The following SLC7A2 variants were observed in gnomAD, a reference collection of about 807,000 sequenced individuals.
SLC7A2 encodes the protein cationic amino acid transporter 2.
A neutral mutation model predicts 58.9 loss-of-function variants in SLC7A2; 48 were observed. That is an observed-to-expected ratio of 0.82 (90% CI 0.65 to 1.04). The LOEUF is 1.04. Ranked by LOEUF, SLC7A2 falls within the 50% of genes least tolerant of loss-of-function variation. The probability of loss-of-function intolerance (pLI) is 0.00; values close to 1 mark genes in which losing one functional copy is unlikely to be tolerated. For missense variants in SLC7A2, 1,029 were observed against 818.8 expected (o/e 1.26, Z -3.13); for synonymous variants, 363 against 314.5 (o/e 1.15, Z -1.63).
At chr8:17,509,868 T>C (rs533123733) in intron 2 of SLC7A2, among the ~76,000 whole-genome samples, 5 of 152,174 alleles carry the variant, frequency 3.3e-5, no homozygotes, top group African/African-American at 1.2e-4. Flanking sequence ...GAAGCCTGTG[T>C]GTTTCATTTC....
At chr8:17,496,887 C>T (rs1585167247), upstream of SLC7A2, among the ~76,000 whole-genome samples, 1 of 151,996 alleles carries the variant, frequency 6.6e-6, no homozygotes, top group Middle Eastern at 3.4e-3. Flanking sequence ...AGCGCCCGCC[C>T]ACGTGTGCTC....
chr8:17,534,603 T>A (rs770316448), intron 2 of SLC7A2, among the ~76,000 whole-genome samples: 3 of 151,596 alleles, frequency 2.0e-5, no homozygotes, highest in Non-Finnish European at 4.4e-5. Context: ...GAGCTCAGTG[T>A]GGAAATTTTA....
At chr8:17,509,506 G>C (rs2720541) in intron 2 of SLC7A2, among the ~76,000 whole-genome samples, 2 of 151,566 alleles carry the variant, frequency 1.3e-5, no homozygotes, top group East Asian at 3.9e-4. Context: ...GGGTTTCATC[G>C]TGATGGCTAG....
chr8:17,516,597 C>T (rs541610067), intron 2 of SLC7A2, among the ~76,000 whole-genome samples: 1 of 152,150 alleles, frequency 6.6e-6, no homozygotes, highest in Non-Finnish European at 1.5e-5. Context: ...GGTGGTAACT[C>T]GTAGAGATTA....
At position 17,543,395 on chromosome 8, in the gene SLC7A2, T is replaced by C. The variant is rs1802005642; in HGVS notation, c.56T>C (p.Ile19Thr). 6.2e-7 allele frequency: 1 copy of C among 1,613,896 alleles called. No individual in the cohort carries two copies. The highest frequency in any genetic ancestry group is 1.7e-5 in the Admixed American group (1 of 59,976). ...TFARCLIRRKIVTLDSLEDTK... is the reference protein window; with the variant it reads ...TFARCLIRRKTVTLDSLEDTK... ...GCCCGATGTCTGATCCGGAGAAAAATCGTGACCCTGGACAGTCTAGAAGAC... is the reference window on the plus strand; with the variant it reads ...GCCCGATGTCTGATCCGGAGAAAAACCGTGACCCTGGACAGTCTAGAAGAC... The change falls in exon 3 of 13, where the codon ATC (isoleucine) becomes ACC (threonine). Residue 19 changes from isoleucine to threonine, a missense_variant. Coordinates refer to ENST00000494857, the MANE Select transcript of SLC7A2 (RefSeq NM_001370338.1).
chr8:17,563,272 C>T (rs1803107521), intron 11 of SLC7A2, among the ~76,000 whole-genome samples: 1 of 152,170 alleles, frequency 6.6e-6, no homozygotes, highest in South Asian at 2.1e-4. Context: ...GGAGGATGTA[C>T]CTGGGATAAC....
intron 2 of SLC7A2, among the ~76,000 whole-genome samples, chr8:17,526,124 A>C (rs1224066015): frequency 6.6e-6 from 1 of 152,204 alleles, no homozygotes; most frequent in Non-Finnish European, 1.5e-5. Context: ...AGAAAAGACA[A>C]ATACAATCAA....
In SLC7A2 at chr8:17,525,782, G is replaced by A. The variant is rs555523992; in HGVS notation, c.-22-17536G>A. 5.3e-4 allele frequency among the ~76,000 whole-genome samples: 81 copies of A among 152,270 alleles called. 1 individual carries two copies. Among genetic ancestry groups the A allele is most frequent in the African/African-American group, 1.8e-3 (75 of 41,554 alleles). ...TGCAAACCAGCACATTCCTGCAAGCGGGATTTGCTGAAACCTTCCAGTGAA... is the reference window on the plus strand; with the variant it reads ...TGCAAACCAGCACATTCCTGCAAGCAGGATTTGCTGAAACCTTCCAGTGAA... On this transcript the variant is annotated intron_variant, in intron 2 of 12. Transcript: ENST00000494857.
At chr8:17,558,688 G>A (rs997521030) in intron 9 of SLC7A2, among the ~76,000 whole-genome samples, 2 of 152,112 alleles carry the variant, frequency 1.3e-5, no homozygotes, top group African/African-American at 4.8e-5. Context: ...TGATTCAGTT[G>A]TAAAAATTTT....
chr8:17,512,501 C>T (rs111444631), intron 2 of SLC7A2, among the ~76,000 whole-genome samples: 5,770 of 152,190 alleles, frequency 0.038, 167 homozygotes, highest in Middle Eastern at 0.17. Flanking sequence ...GAGGCAAGAT[C>T]GTGCTACTGC....
intron 5 of SLC7A2, 61 bp downstream of exon 5, chr8:17,548,904 G>A (rs2245183): frequency 0.059 from 81,795 of 1,378,158 alleles, 4,856 homozygotes; most frequent in East Asian, 0.35. Context: ...TTAAGTGGGT[G>A]TATTAGTTCA....
At chr8:17,543,246 C>A in intron 2 of SLC7A2, 72 bp from the exon 3 acceptor site, 2 of 1,370,618 alleles carry the variant, frequency 1.5e-6, no homozygotes, top group Non-Finnish European at 2.0e-6. Flanking sequence ...TCTAATTGTG[C>A]CTGGAAGCTA....
intron 2 of SLC7A2, among the ~76,000 whole-genome samples, chr8:17,522,858 A>G (rs1246260025): frequency 6.6e-6 from 1 of 152,018 alleles, no homozygotes; most frequent in Non-Finnish European, 1.5e-5. Context: ...CAACACAGTG[A>G]CACCCTACCT....
rs575759443 is a variant in SLC7A2 at position 17,508,402 on chromosome 8, A to G, written c.-23+6100A>G. On this transcript the variant is annotated intron_variant, in intron 2 of 12. Transcript: ENST00000494857. ...TCTTCCTGCATTGCTAACTCTAGGT[A>G]TTGTTGGATGCCCTGTCTACTTTTA... 8.5e-5 allele frequency among the ~76,000 whole-genome samples: 13 copies of G among 152,270 alleles called. No individual in the cohort carries two copies. The East Asian group carries it at 2.5e-3, about 29-fold the overall frequency.
At position 17,563,719 on chromosome 8, in the gene SLC7A2, T is replaced by G. The variant is rs1352437883; in HGVS notation, c.1780+8T>G. On this transcript the variant is annotated splice_region_variant and intron_variant, in intron 12 of 12. Coordinates refer to ENST00000494857, the MANE Select transcript of SLC7A2 (RefSeq NM_001370338.1). Reference sequence around the variant, plus strand: ...GCATTTGGATGGCAATTGGTAGGTCTTTTAATGTCGGGTTCTCTTTCCTAT... The same window carrying G: ...GCATTTGGATGGCAATTGGTAGGTCGTTTAATGTCGGGTTCTCTTTCCTAT... The G allele has an allele frequency of 6.7e-7, 1 of 1,488,202 alleles. No individual in the cohort carries two copies. The highest frequency in any genetic ancestry group is 9.4e-7 in the Non-Finnish European group (1 of 1,066,484). 92.2% of individuals were successfully genotyped at this position (1,488,202 alleles called of 1,614,324 possible).
chr8:17,540,627 G>T (rs558550483), intron 2 of SLC7A2, among the ~76,000 whole-genome samples: 2 of 151,988 alleles, frequency 1.3e-5, no homozygotes, highest in Non-Finnish European at 2.9e-5. Flanking sequence ...ATTCAATTTC[G>T]TATTGAAGAG....
intron 4 of SLC7A2, among the ~76,000 whole-genome samples, chr8:17,547,536 A>G (rs1802231343): frequency 6.6e-6 from 1 of 152,240 alleles, no homozygotes; most frequent in Non-Finnish European, 1.5e-5. Flanking sequence ...GAATATTTTG[A>G]TAATAGGAAC....
chr8:17,497,204 G>C lies in SLC7A2; in HGVS notation c.-102G>C, dbSNP rs1311694751. On this transcript the variant is annotated 5_prime_UTR_variant, in exon 1 of 13. Transcript: ENST00000494857. ...GACGCGCTGCAGCCGGCAGCCCACC[G>C]CCGCCTTCTTGGCGCGACCCCAACC... 1 of 151,948 alleles carries C rather than the reference G, an allele frequency of 6.6e-6. No homozygotes were observed. The highest frequency in any genetic ancestry group is 2.4e-5 in the African/African-American group (1 of 41,408). 9.4% of individuals were successfully genotyped at this position (151,948 alleles called of 1,614,324 possible). A position where few individuals can be genotyped will look rare whatever the true frequency, so the allele number is the denominator to read the frequency against.
In SLC7A2 at chr8:17,558,345, A is replaced by G. The variant is rs1585265631; in HGVS notation, c.1246A>G (p.Ile416Val). 5 of 1,613,438 alleles carry G rather than the reference A, an allele frequency of 3.1e-6. No individual in the cohort carries two copies. The highest frequency in any genetic ancestry group is 4.5e-5 in the East Asian group (2 of 44,870). Reference protein sequence around the residue: ...DLKALVDMMSIGTLMAYSLVA... With the variant: ...DLKALVDMMSVGTLMAYSLVA... ...GAAGGCGCTTGTGGACATGATGTCC[A>G]TTGGCACACTCATGGCCTACTCTCT... The change falls in exon 9 of 13, where the codon ATT becomes GTT. Residue 416 changes from isoleucine (I) to valine (V), a missense_variant. Transcript: ENST00000494857.
Sources: gnomAD v4.1 joint callset for allele counts (sites outside exome capture counted in the v4.1 genomes callset) on GRCh38, gnomAD v4.1.1 for gene constraint, MANE v1.5 for transcripts, NCBI Gene and HGNC (gene_info 2026-07-23, HGNC 2026-07-21) for gene names.